DNAH7: variants seen among roughly 807,000 people sequenced by gnomAD.
The protein encoded by DNAH7 is dynein axonemal heavy chain 7.
A neutral mutation model predicts 444.6 loss-of-function variants in DNAH7; 397 were observed. The ratio of observed to expected loss-of-function variants is 0.89; its 90% CI spans 0.82 to 0.97. The LOEUF is 0.97. DNAH7 is among the 50% of genes least tolerant of loss of function. The pLI, the probability that DNAH7 is intolerant of heterozygous loss-of-function variation, is 0.00. For missense variants in DNAH7, 4,902 were observed against 4,800.8 expected (o/e 1.02, Z -0.62); for synonymous variants, 1,636 against 1,624.4 (o/e 1.01, Z -0.17).
chr2:196,035,503 G>A (rs1696327954), intron 5 of DNAH7, among the ~76,000 whole-genome samples: 1 of 152,134 alleles, frequency 6.6e-6, no homozygotes, highest in South Asian at 2.1e-4. Flanking sequence ...CTGCCAAACA[G>A]CTCTCAAGGA....
chr2:195,873,799 C>G, intron 38 of DNAH7, 105 bp from the exon 39 acceptor site: 1 of 818,164 alleles, frequency 1.2e-6, no homozygotes, highest in East Asian at 3.4e-5. Flanking sequence ...GACAAATTCA[C>G]GGCACATGAA....
At chr2:195,787,248 A>G (rs538647511) in intron 57 of DNAH7, 77 bp from the exon 58 acceptor site, 2 of 1,448,010 alleles carry the variant, frequency 1.4e-6, no homozygotes, top group East Asian at 4.7e-5. Flanking sequence ...TTAAAATGAA[A>G]GCAAATTTCT....
chr2:195,845,108 C>A lies in DNAH7; in HGVS notation c.8839G>T (p.Asp2947Tyr). ...CCCAGGGTACCCATAAGAGAGCAAT[C>A]ATCTGAGCAGGGGATATCTCTTCCT... ...CKGRDIPCSD[D>Y]CSLMGTLGEA... Residue 2947 changes from aspartate (D) to tyrosine (Y), a missense_variant, in exon 47 of 65, where the codon GAT becomes TAT. Coordinates refer to ENST00000312428, the MANE Select transcript of DNAH7 (RefSeq NM_018897.3). 6.2e-7 allele frequency: 1 copy of A among 1,613,876 alleles called. No individual in the cohort carries two copies. The highest frequency in any genetic ancestry group is 8.5e-7 in the Non-Finnish European group (1 of 1,179,880).
At chr2:195,972,754 G>A (rs1019866159) in intron 15 of DNAH7, among the ~76,000 whole-genome samples, 1 of 152,218 alleles carries the variant, frequency 6.6e-6, no homozygotes, top group African/African-American at 2.4e-5. Flanking sequence ...TACTATCTGA[G>A]TGAAGAGTTA....
At chr2:196,051,105 GCTTA>G (rs1697437174) in intron 3 of DNAH7, 78 bp downstream of exon 3, 6 of 1,221,162 alleles carry the variant, frequency 4.9e-6, no homozygotes, top group South Asian at 1.2e-5. Context: ...GCAGGAATTT[GCTTA>G]CTTATTTTCA....
rs1426058297 is a variant in DNAH7 at position 195,880,380 on chromosome 2, G to A, written c.5961+1415C>T. Among the ~76,000 whole-genome samples the A allele has an allele frequency of 1.6e-4, 24 of 148,184 alleles. No homozygotes were observed. The East Asian group carries it at 2.8e-3, about 17-fold the overall frequency. Reference sequence around the variant, plus strand: ...GTCTCACTCTGTCGCCCAGGCTGGCGTGCAGTGGCGCGATCTCGGCTCACT... The same window carrying A: ...GTCTCACTCTGTCGCCCAGGCTGGCATGCAGTGGCGCGATCTCGGCTCACT... On this transcript the variant is annotated intron_variant, in intron 36 of 64. Coordinates refer to ENST00000312428, the MANE Select transcript of DNAH7 (RefSeq NM_018897.3).
chr2:195,930,176 C>T (rs1320348067), intron 21 of DNAH7, among the ~76,000 whole-genome samples: 1 of 152,142 alleles, frequency 6.6e-6, no homozygotes, highest in Non-Finnish European at 1.5e-5. Context: ...AACCACGTCT[C>T]TACTAAAAAT....
At chr2:195,744,244 C>G (rs1276057325) in intron 63 of DNAH7, among the ~76,000 whole-genome samples, 1 of 152,226 alleles carries the variant, frequency 6.6e-6, no homozygotes, top group Non-Finnish European at 1.5e-5. Flanking sequence ...CCTACGCCCA[C>G]GGAGTCTCGC....
chr2:195,801,125 T>A (rs1696428047), intron 54 of DNAH7, among the ~76,000 whole-genome samples: 2 of 152,206 alleles, frequency 1.3e-5, no homozygotes, highest in South Asian at 4.1e-4. Context: ...GATGCCATGC[T>A]TCTTGCACTT....
intron 24 of DNAH7, among the ~76,000 whole-genome samples, chr2:195,919,353 T>G (rs897477716): frequency 2.6e-5 from 4 of 152,146 alleles, no homozygotes; most frequent in African/African-American, 9.7e-5. Flanking sequence ...TAAAAAGTCT[T>G]TTTCTTTTTT....
intron 8 of DNAH7, among the ~76,000 whole-genome samples, chr2:196,022,595 C>A (rs1166647791): frequency 6.6e-6 from 1 of 152,220 alleles, no homozygotes; most frequent in East Asian, 1.9e-4. Flanking sequence ...AATTCAGTCA[C>A]ATCTTCAGGC....
chr2:195,776,652 T>C (rs1695078485), intron 59 of DNAH7, among the ~76,000 whole-genome samples: 1 of 152,178 alleles, frequency 6.6e-6, no homozygotes, highest in African/African-American at 2.4e-5. Context: ...ACTCTGATTA[T>C]TCTGTTTACT....
At chr2:195,897,989 C>A (rs976387091) in intron 28 of DNAH7, among the ~76,000 whole-genome samples, 10 of 152,020 alleles carry the variant, frequency 6.6e-5, no homozygotes, top group Admixed American at 5.2e-4. Flanking sequence ...AAACTAACTA[C>A]CTTTTCACAG....
chr2:195,843,900 T>G (rs975463051), intron 47 of DNAH7, among the ~76,000 whole-genome samples: 5 of 152,000 alleles, frequency 3.3e-5, no homozygotes, highest in Admixed American at 2.0e-4. Flanking sequence ...ATCGAGACCA[T>G]CCTGCCTAAC....
intron 55 of DNAH7, among the ~76,000 whole-genome samples, chr2:195,798,689 G>A (rs1229901758): frequency 7.9e-5 from 12 of 151,776 alleles, no homozygotes; most frequent in East Asian, 3.9e-4. Context: ...GACTACAGGC[G>A]TCTGCAACCA....
rs911963914 is a variant in DNAH7 at position 195,862,039 on chromosome 2, G to C, written c.7507-93C>G. 3.2e-5 allele frequency: 30 copies of C among 951,952 alleles called. No homozygotes were observed. The African/African-American group carries it at 4.6e-4, about 15-fold the overall frequency. 59.0% of individuals were successfully genotyped at this position (951,952 alleles called of 1,614,324 possible). A position where few individuals can be genotyped will look rare whatever the true frequency, so the allele number is the denominator to read the frequency against. On this transcript the variant is annotated intron_variant, in intron 41 of 64. Transcript: ENST00000312428. ...CCTTTACAACTTATGGATGTTGGGG[G>C]TGAAGGGGAATAGTGTGAGGGATGG...
At chr2:195,775,650 A>AG (rs1178840203) in intron 60 of DNAH7, among the ~76,000 whole-genome samples, 196 bp downstream of exon 60, 225 of 39,186 alleles carry the variant, frequency 5.7e-3, no homozygotes, top group African/African-American at 0.014. Context: ...AGATAGATGA[A>AG]AAAAAAAAAA....
intron 58 of DNAH7, among the ~76,000 whole-genome samples, chr2:195,780,694 T>C (rs1219804121): frequency 1.3e-5 from 2 of 152,040 alleles, no homozygotes; most frequent in Admixed American, 1.3e-4. Context: ...GAGGTTGCAG[T>C]GAGCCGAGAT....
At chr2:196,027,550 C>T (rs1695767385) in intron 6 of DNAH7, among the ~76,000 whole-genome samples, 1 of 151,808 alleles carries the variant, frequency 6.6e-6, no homozygotes, top group African/African-American at 2.4e-5. Context: ...TTTGAATTAG[C>T]AGTGTTGTCT....
Sources: allele counts gnomAD v4.1 joint callset (sites outside exome capture counted in the v4.1 genomes callset), GRCh38; gene constraint gnomAD v4.1.1; transcripts MANE v1.5; gene names NCBI Gene and HGNC (gene_info 2026-07-23, HGNC 2026-07-21).